GRID2: variants seen among roughly 807,000 people sequenced by gnomAD.
The protein encoded by GRID2 is glutamate ionotropic receptor delta type subunit 2.
GRID2 carries 33 observed loss-of-function variants against 114.8 expected under a neutral mutation model. That is an observed-to-expected ratio of 0.29 (90% CI 0.22 to 0.38). The LOEUF (loss-of-function observed/expected upper bound fraction) is 0.38. Ranked by LOEUF, GRID2 falls within the 10% of genes least tolerant of loss-of-function variation. The pLI is 1.00. For synonymous variants in GRID2, 505 were observed against 449.9 expected, an observed-to-expected ratio of 1.12 and a Z score of -1.55; for missense variants, 1,184 against 1,257.7, an observed-to-expected ratio of 0.94 and a Z score of 0.89.
At chr4:92,900,507 A>G (rs1182995390) in intron 2 of GRID2, among the ~76,000 whole-genome samples, 1 of 152,156 alleles carries the variant, frequency 6.6e-6, no homozygotes, top group Non-Finnish European at 1.5e-5. Flanking sequence ...AAGTATTTCA[A>G]TTTCTGTTTC....
At chr4:92,581,494 G>C (rs1728183799) in intron 1 of GRID2, among the ~76,000 whole-genome samples, 2 of 152,038 alleles carry the variant, frequency 1.3e-5, no homozygotes, top group South Asian at 4.1e-4. Context: ...AGTATTATCA[G>C]TTTAAATGTG....
At chr4:93,123,022 T>C (rs1733940514) in intron 4 of GRID2, among the ~76,000 whole-genome samples, 1 of 151,960 alleles carries the variant, frequency 6.6e-6, no homozygotes, top group Non-Finnish European at 1.5e-5. Context: ...TCTTTTCTGA[T>C]TGGAGAGCTG....
At chr4:93,277,069 A>G (rs565526700) in intron 8 of GRID2, among the ~76,000 whole-genome samples, 1 of 152,006 alleles carries the variant, frequency 6.6e-6, no homozygotes, top group South Asian at 2.1e-4. Context: ...ATAAATGTTT[A>G]CATGTAGTGT....
intron 2 of GRID2, among the ~76,000 whole-genome samples, chr4:92,861,033 A>G (rs1413263386): frequency 6.6e-6 from 1 of 152,126 alleles, no homozygotes; most frequent in Non-Finnish European, 1.5e-5. Flanking sequence ...TTTAAGTCTA[A>G]GTAAATCAAT....
intron 2 of GRID2, among the ~76,000 whole-genome samples, chr4:93,058,567 A>AAG (rs976528367): frequency 6.6e-6 from 1 of 151,814 alleles, no homozygotes; most frequent in Admixed American, 6.6e-5. Flanking sequence ...GGTAATCAGT[A>AAG]AGCTCTCTGC....
chr4:92,562,809 T>C (rs886400385), intron 1 of GRID2, among the ~76,000 whole-genome samples: 1 of 152,210 alleles, frequency 6.6e-6, no homozygotes, highest in Non-Finnish European at 1.5e-5. Context: ...ACTAAGGCTA[T>C]ATTAAAATAT....
chr4:93,445,250 A>T (rs148948877), intron 10 of GRID2, among the ~76,000 whole-genome samples: 56 of 152,096 alleles, frequency 3.7e-4, no homozygotes, highest in African/African-American at 1.3e-3. Flanking sequence ...ACAAGAGAAA[A>T]TAAGTAAAAT....
chr4:92,384,908 G>A (rs1729866531), intron 1 of GRID2, among the ~76,000 whole-genome samples: 1 of 150,772 alleles, frequency 6.6e-6, no homozygotes, highest in African/African-American at 2.4e-5. Flanking sequence ...CAGTCAAAAG[G>A]AGAATGTTTA....
At chr4:92,371,889 T>C (rs1729133748) in intron 1 of GRID2, among the ~76,000 whole-genome samples, 1 of 152,164 alleles carries the variant, frequency 6.6e-6, no homozygotes, top group Non-Finnish European at 1.5e-5. Flanking sequence ...ACTGAGAACA[T>C]TCATTATTCA....
chr4:92,472,836 T>G (rs1358383643), intron 1 of GRID2, among the ~76,000 whole-genome samples: 1 of 152,152 alleles, frequency 6.6e-6, no homozygotes, highest in Non-Finnish European at 1.5e-5. Context: ...TGTTGTCGAC[T>G]GTATGATTTG....
intron 5 of GRID2, among the ~76,000 whole-genome samples, chr4:93,210,714 A>C (rs1162217246): frequency 6.6e-6 from 1 of 152,072 alleles, no homozygotes; most frequent in East Asian, 1.9e-4. Context: ...ACTAGCATGT[A>C]TTTAATTGGT....
chr4:93,052,971 T>G (rs530199848), intron 2 of GRID2, among the ~76,000 whole-genome samples: 1 of 152,006 alleles, frequency 6.6e-6, no homozygotes, highest in Non-Finnish European at 1.5e-5. Flanking sequence ...TTTATTTACC[T>G]TTACTGTTTC....
intron 14 of GRID2, among the ~76,000 whole-genome samples, chr4:93,652,165 C>T (rs1164023900): frequency 6.6e-6 from 1 of 152,044 alleles, no homozygotes; most frequent in African/African-American, 2.4e-5. Context: ...GGGGCATGCC[C>T]TATCTAATAT....
chr4:93,046,828 T>C lies in GRID2; in HGVS notation c.245-38167T>C, dbSNP rs1726185318. Among the ~76,000 whole-genome samples the C allele has an allele frequency of 1.3e-5, 2 of 151,872 alleles. 1 individual carries two copies. Among genetic ancestry groups the C allele is most frequent in the South Asian group, 4.1e-4 (2 of 4,824 alleles). On this transcript the variant is annotated intron_variant, in intron 2 of 15. Transcript: ENST00000282020. ...AATTTAGTTGACTTCATAAGAAATA[T>C]ATGCCCATACTGATACAAATAAATG...
chr4:92,508,368 G>A (rs112796419), intron 1 of GRID2, among the ~76,000 whole-genome samples: 10 of 151,900 alleles, frequency 6.6e-5, no homozygotes, highest in East Asian at 1.9e-4. Context: ...ATATTCTATC[G>A]GTAAATACTG....
chr4:92,622,929 C>A (rs1169507472), intron 2 of GRID2, among the ~76,000 whole-genome samples: 1 of 151,670 alleles, frequency 6.6e-6, no homozygotes, highest in Non-Finnish European at 1.5e-5. Flanking sequence ...CCATATTTAT[C>A]AACAAGCAGG....
exon 2 of GRID2, chr4:93,807,647 C>T (rs886599120): frequency 2.1e-5 from 3 of 142,584 alleles, no homozygotes. Flanking sequence ...GTATATACTA[C>T]CCAGCGCTAA....
At chr4:93,028,445 G>A (rs72665236) in intron 2 of GRID2, among the ~76,000 whole-genome samples, 52,179 of 151,674 alleles carry the variant, frequency 0.34, 9,335 homozygotes, top group Admixed American at 0.47. Context: ...AAATGAGACC[G>A]GAAAGAGTTC....
intron 1 of GRID2, among the ~76,000 whole-genome samples, chr4:92,460,045 T>TAC (rs1309973685): frequency 5.8e-4 from 68 of 116,532 alleles, no homozygotes; most frequent in African/African-American, 2.2e-3. Flanking sequence ...TATATATATA[T>TAC]ATATATATAC....
Sources: allele counts gnomAD v4.1 joint callset (sites outside exome capture counted in the v4.1 genomes callset), GRCh38; gene constraint gnomAD v4.1.1; transcripts MANE v1.5; gene names NCBI Gene and HGNC (gene_info 2026-07-23, HGNC 2026-07-21).